Variants in SLC26A9 observed in about 807,000 individuals in gnomAD.
SLC26A9 encodes the protein solute carrier family 26 member 9.
Under a neutral mutation model 87.1 loss-of-function variants are expected in SLC26A9, and 46 were observed. The ratio of observed to expected loss-of-function variants is 0.53; its 90% CI spans 0.42 to 0.67. SLC26A9 has a LOEUF of 0.67. Among genes scored for constraint, SLC26A9 ranks in the 30% least tolerant of loss-of-function variants. The pLI is 0.00. For synonymous variants in SLC26A9, 437 were observed against 409.1 expected, an observed-to-expected ratio of 1.07 and a Z score of -0.82; for missense variants, 927 against 1,018.3, an observed-to-expected ratio of 0.91 and a Z score of 1.22.
chr1:205,929,259 A>C lies in SLC26A9; in HGVS notation c.815T>G (p.Leu272Arg). ...AATCTTGTGCATGTAGCGAGCATTG[A>C]GCTCCTTCACCAGCACCAGGAAGGC... is the stretch of plus-strand genomic sequence containing the variant. ...SGAFLVLVKE[L>R]NARYMHKIRF... Residue 272 changes from leucine (L) to arginine (R), a missense_variant, in exon 7 of 21, where the codon CTC becomes CGC. Leu to Arg is a moderately radical substitution (Grantham distance 102). Transcript: ENST00000367135. 1 of 1,614,200 alleles carries C rather than the reference A, an allele frequency of 6.2e-7. No individual in the cohort carries two copies. The highest frequency in any genetic ancestry group is 8.5e-7 in the Non-Finnish European group (1 of 1,180,050).
chr1:205,933,747 T>C (rs1659401752), intron 2 of SLC26A9, among the ~76,000 whole-genome samples: 1 of 152,184 alleles, frequency 6.6e-6, no homozygotes, highest in Non-Finnish European at 1.5e-5. Context: ...CACTATCCTT[T>C]ATGTGTGGTA....
Position 205,921,649 on chromosome 1 carries a change from G to A in SLC26A9, c.1972C>T (p.Pro658Ser), listed in dbSNP as rs1444337365. 1 of 1,607,790 alleles carries A rather than the reference G, an allele frequency of 6.2e-7. No individual in the cohort carries two copies. Among genetic ancestry groups the A allele is most frequent in the Non-Finnish European group, 8.5e-7 (1 of 1,177,184 alleles). The change falls in exon 17 of 21, where the codon CCC (proline) becomes TCC (serine). Residue 658 changes from proline (P) to serine (S), a missense_variant. Transcript: ENST00000367135. ...EPSDMLASVPPFVTFHTLILD... is the reference protein window; with the variant it reads ...EPSDMLASVPSFVTFHTLILD... ...ATGAGGGTGTGGAAGGTGACGAAGG[G>A]TGGGACGCTGGCCAGCATGTCACTG... is the stretch of plus-strand genomic sequence containing the variant.
In SLC26A9 at chr1:205,923,352, G is replaced by A. The variant is rs1423905211; in HGVS notation, c.1642C>T (p.Gln548Ter). ...AGCCTTACCTTGGCGATGACCTTTT[G>A]CCTGAAGATCTCTGAGTTGGCAAAG... Reference protein sequence around the residue: ...LYFANSEIFRQKVIAKTGMDP... With the variant: ...LYFANSEIFR The change falls in exon 15 of 21, where the codon CAA becomes TAA. Residue 548 changes from glutamine to a stop codon, truncating the protein, a stop_gained. Transcript: ENST00000367135. LOFTEE classifies it high-confidence loss of function. 1.2e-6 allele frequency: 2 copies of A among 1,614,170 alleles called. No homozygotes were observed. The highest frequency in any genetic ancestry group is 8.5e-7 in the Non-Finnish European group (1 of 1,180,016).
chr1:205,915,120 G>A lies in SLC26A9; in HGVS notation c.*237C>T, dbSNP rs1391795241. 6 of 1,613,816 alleles carry A rather than the reference G, an allele frequency of 3.7e-6. No individual in the cohort carries two copies. The highest frequency in any genetic ancestry group is 1.7e-5 in the Admixed American group (1 of 59,996). ...TTGCGGCCAGGGCCTGACGGGTGAA[G>A]AGTGGGCTCACCAGACTCTCACTCC... On this transcript the variant is annotated 3_prime_UTR_variant, in exon 21 of 21. Coordinates refer to ENST00000367135, the MANE Select transcript of SLC26A9 (RefSeq NM_052934.4).
At chr1:205,933,156 C>T in intron 2 of SLC26A9, 72 bp from the exon 3 acceptor site, 2 of 1,580,950 alleles carry the variant, frequency 1.3e-6, no homozygotes, top group South Asian at 1.1e-5. Flanking sequence ...GAGGGATTAT[C>T]ATATCCTGCT....
intron 5 of SLC26A9, among the ~76,000 whole-genome samples, chr1:205,930,959 T>A (rs1659277712): frequency 6.6e-6 from 1 of 152,224 alleles, no homozygotes; most frequent in Admixed American, 6.5e-5. Context: ...GGCTCCTTCC[T>A]CTGCTGGGCT....
rs1281434295 is a variant in SLC26A9, at chr1:205,930,034, A to G, written c.575T>C (p.Phe192Ser). Residue 192 changes from phenylalanine (F) to serine (S), a missense_variant, in exon 6 of 21, where the codon TTT (phenylalanine) becomes TCT (serine). Physicochemically the swap from Phe to Ser is radical, Grantham distance 155. Coordinates refer to ENST00000367135, the MANE Select transcript of SLC26A9 (RefSeq NM_052934.4). ...IIQMGLGFMQ[F>S]GFVAIYLSES... The stretch of plus-strand genomic sequence containing the variant: ...GGAGAGGTAGATGGCCACAAAGCCA[A>G]ACTGCATGAAGCCCAGACCCATCTG... 6.2e-7 allele frequency: 1 copy of G among 1,611,948 alleles called. No homozygotes were observed. Among genetic ancestry groups the G allele is most frequent in the South Asian group, 1.1e-5 (1 of 90,992 alleles).
intron 1 of SLC26A9, among the ~76,000 whole-genome samples, chr1:205,936,476 C>A (rs75463698): frequency 2.6e-5 from 4 of 152,282 alleles, no homozygotes; most frequent in African/African-American, 4.8e-5. Context: ...ATCTTTCCCC[C>A]ACCCTTGTGT....
In SLC26A9 at chr1:205,914,792, T is replaced by C; in HGVS notation, c.*565A>G. 1 of 1,447,020 alleles carries C rather than the reference T, an allele frequency of 6.9e-7. No homozygotes were observed. The allele number at this position is 1,447,020 out of a possible 1,614,324, so 89.6% of individuals were successfully genotyped here. ...GGCGCATAGTTACCAAGGCCTAGAC[T>C]CCTGGGTGTGGAGAGCACATGGTCC... On this transcript the variant is annotated 3_prime_UTR_variant, in exon 21 of 21. Coordinates refer to ENST00000367135, the MANE Select transcript of SLC26A9 (RefSeq NM_052934.4).
chr1:205,933,876 G>A (rs1659406937), intron 2 of SLC26A9, among the ~76,000 whole-genome samples: 1 of 152,148 alleles, frequency 6.6e-6, no homozygotes, highest in Admixed American at 6.5e-5. Context: ...AACACCTCAA[G>A]GTCCTTTCAT....
chr1:205,933,506 T>C (rs992767220), intron 2 of SLC26A9, among the ~76,000 whole-genome samples: 6 of 152,216 alleles, frequency 3.9e-5, no homozygotes, highest in Non-Finnish European at 7.4e-5. Flanking sequence ...CATTCCTTGC[T>C]TTTTGTCTGT....
intron 1 of SLC26A9, among the ~76,000 whole-genome samples, chr1:205,941,173 TG>T (rs1659728568): frequency 6.6e-6 from 1 of 152,128 alleles, no homozygotes; most frequent in Non-Finnish European, 1.5e-5. Flanking sequence ...TTTGTTTTTT[TG>T]TTTTTGTTTT....
chr1:205,926,722 A>C (rs904821419), intron 11 of SLC26A9, 92 bp from the exon 12 acceptor site: 2 of 1,030,464 alleles, frequency 1.9e-6, no homozygotes, highest in East Asian at 2.4e-5. Context: ...GGCAGGACAG[A>C]GACGGAGTTC....
Position 205,917,321 on chromosome 1 carries a change from A to G in SLC26A9, c.2290T>C (p.Ser764Pro). 1 of 1,613,922 alleles carries G rather than the reference A, an allele frequency of 6.2e-7. No individual in the cohort carries two copies. The highest frequency in any genetic ancestry group is 2.2e-5 in the East Asian group (1 of 44,862). Residue 764 changes from serine to proline, a missense_variant, in exon 20 of 21, where the codon TCA becomes CCA. By Grantham distance (74) the Ser-to-Pro change is moderately conservative (BLOSUM62 -1). Coordinates refer to ENST00000367135, the MANE Select transcript of SLC26A9 (RefSeq NM_052934.4). ...PGDAELSLYDSEEDIRSYWDL... is the reference protein window; with the variant it reads ...PGDAELSLYDPEEDIRSYWDL... ...CAGTAGCTGCGAATGTCCTCCTCTG[A>G]GTCGTACAAGGAGAGCTCAGCATCC...
chr1:205,923,285 T>C (rs750061697), intron 15 of SLC26A9, 50 bp downstream of exon 15: 5 of 1,612,204 alleles, frequency 3.1e-6, no homozygotes, highest in Non-Finnish European at 4.2e-6. Flanking sequence ...GCTTCCATTT[T>C]CCGGCCACTC....
Position 205,935,792 on chromosome 1 carries a change from A to G in SLC26A9, c.29T>C (p.Val10Ala). 1 of 1,613,860 alleles carries G rather than the reference A, an allele frequency of 6.2e-7. No homozygotes were observed. Among genetic ancestry groups the G allele is most frequent in the Non-Finnish European group, 8.5e-7 (1 of 1,179,836 alleles). MSQPRPRYV[V>A]DRAAYSLTLF... is the part of the protein sequence containing the mutation. ...GGTAAGGGAGTATGCGGCTCTGTCT[A>G]CCACGTAGCGGGGCCTGGGCTGGCT... Residue 10 changes from valine to alanine, a missense_variant, in exon 2 of 21, where the codon GTA (valine) becomes GCA (alanine). By Grantham distance (64) the Val-to-Ala change is moderately conservative (BLOSUM62 0). Transcript: ENST00000367135.
intron 1 of SLC26A9, among the ~76,000 whole-genome samples, chr1:205,941,985 T>C (rs1659762995): frequency 6.6e-6 from 1 of 152,042 alleles, no homozygotes; most frequent in Non-Finnish European, 1.5e-5. Context: ...CTTGAAGGGG[T>C]GGCTCTGCCC....
chr1:205,922,077 C>T (rs1366484850), intron 16 of SLC26A9, among the ~76,000 whole-genome samples: 1 of 152,188 alleles, frequency 6.6e-6, no homozygotes, highest in Non-Finnish European at 1.5e-5. Context: ...AGGACCCAGC[C>T]AAGAGAGGCA....
Position 205,921,735 on chromosome 1 carries a change from G to C in SLC26A9, c.1886C>G (p.Pro629Arg). Reference protein sequence around the residue: ...GTSVSYITFSPDSSSPAQSEP... With the variant: ...GTSVSYITFSRDSSSPAQSEP... ...ACTCTGGGCAGGTGAGGAGCTGTCA[G>C]GGCTGAAGGTGATATAGGACACGCT... Residue 629 changes from proline (P) to arginine (R), a missense_variant, in exon 17 of 21, where the codon CCT (proline) becomes CGT (arginine). Transcript: ENST00000367135. 1.9e-6 allele frequency: 3 copies of C among 1,592,314 alleles called. No individual in the cohort carries two copies. The highest frequency in any genetic ancestry group is 2.6e-6 in the Non-Finnish European group (3 of 1,169,548).
Sources: allele counts gnomAD v4.1 joint callset (sites outside exome capture counted in the v4.1 genomes callset), GRCh38; gene constraint gnomAD v4.1.1; transcripts MANE v1.5; gene names NCBI Gene and HGNC (gene_info 2026-07-23, HGNC 2026-07-21).